ARB2A: variants seen among roughly 807,000 people sequenced by gnomAD.
The protein encoded by ARB2A is cotranscriptional regulator ARB2A.
the ARB2A span, among the ~76,000 whole-genome samples, chr5:93,947,114 A>G: frequency 6.6e-6 from 1 of 152,066 alleles, no homozygotes; most frequent in African/African-American, 2.4e-5. Flanking sequence ...GTGATGAATC[A>G]TTTCTTCATA....
chr5:94,035,232 T>TATACAC, the ARB2A span, among the ~76,000 whole-genome samples: 6,498 of 151,588 alleles, frequency 0.043, 212 homozygotes, highest in Non-Finnish European at 0.072. Flanking sequence ...TACATATACA[T>TATACAC]ATACATATAC....
At chr5:94,053,726 T>C in the ARB2A span, among the ~76,000 whole-genome samples, 1 of 152,224 alleles carries the variant, frequency 6.6e-6, no homozygotes, top group Non-Finnish European at 1.5e-5. Context: ...TCACATCATT[T>C]GAATCCATGC....
the ARB2A span, among the ~76,000 whole-genome samples, chr5:93,767,911 C>T: frequency 7.1e-6 from 1 of 141,156 alleles, no homozygotes; most frequent in African/African-American, 2.7e-5. Context: ...GGAGAATGGC[C>T]TGAACTCGGG....
At chr5:93,719,116 TC>T in the ARB2A span, among the ~76,000 whole-genome samples, 1 of 152,182 alleles carries the variant, frequency 6.6e-6, no homozygotes, top group Admixed American at 6.5e-5. Context: ...TATCCTCACT[TC>T]TTGCCTGCCC....
the ARB2A span, among the ~76,000 whole-genome samples, chr5:93,750,925 T>A: frequency 3.5e-4 from 54 of 152,296 alleles, 1 homozygote; most frequent in East Asian, 0.01. Context: ...GAAGACTAAA[T>A]TTCCTTGAAG....
the ARB2A span, among the ~76,000 whole-genome samples, chr5:93,800,920 T>C: frequency 2.6e-5 from 4 of 152,122 alleles, no homozygotes; most frequent in Admixed American, 2.0e-4. Context: ...ATCTTTAATA[T>C]AGTTTTAAAA....
At chr5:93,857,634 C>G in the ARB2A span, among the ~76,000 whole-genome samples, 1 of 152,172 alleles carries the variant, frequency 6.6e-6, no homozygotes, top group Non-Finnish European at 1.5e-5. Context: ...TTAAGCCCGT[C>G]GGAAAAGTGC....
chr5:93,621,657 G>C, the ARB2A span, among the ~76,000 whole-genome samples: 1 of 152,252 alleles, frequency 6.6e-6, no homozygotes, highest in African/African-American at 2.4e-5. Flanking sequence ...CTTCCCAAGG[G>C]GGTGGTGTGG....
chr5:94,023,923 T>C, the ARB2A span, among the ~76,000 whole-genome samples: 1 of 152,154 alleles, frequency 6.6e-6, no homozygotes, highest in African/African-American at 2.4e-5. Context: ...TGTTTGTGGG[T>C]AGAAAGCTAT....
chr5:93,673,201 T>G, the ARB2A span, among the ~76,000 whole-genome samples: 2 of 152,182 alleles, frequency 1.3e-5, no homozygotes, highest in African/African-American at 4.8e-5. Context: ...ATGAAATAAT[T>G]AAAAATAGAG....
chr5:93,676,510 C>G, the ARB2A span, among the ~76,000 whole-genome samples: 1 of 152,100 alleles, frequency 6.6e-6, no homozygotes, highest in Non-Finnish European at 1.5e-5. Context: ...CGAGTTTTGG[C>G]TGGATTTTAA....
At chr5:93,640,700 A>C in the ARB2A span, among the ~76,000 whole-genome samples, 3 of 151,652 alleles carry the variant, frequency 2.0e-5, no homozygotes, top group East Asian at 3.9e-4. Flanking sequence ...CTGATGACCC[A>C]TGGGCTAAAA....
the ARB2A span, among the ~76,000 whole-genome samples, chr5:93,872,017 C>T: frequency 2.7e-5 from 4 of 149,876 alleles, no homozygotes; most frequent in South Asian, 4.2e-4. Flanking sequence ...GGCGTGACCT[C>T]GGCTCACTGC....
the ARB2A span, among the ~76,000 whole-genome samples, chr5:93,932,071 C>T: frequency 2.6e-5 from 4 of 152,108 alleles, no homozygotes; most frequent in African/African-American, 7.2e-5. Context: ...ATAATTACCA[C>T]TAAAATTAGG....
At chr5:93,682,948 AC>A in the ARB2A span, 2 of 1,581,248 alleles carry the variant, frequency 1.3e-6, no homozygotes, top group African/African-American at 1.3e-5. Context: ...GAAGAGAACC[AC>A]CTTTTTCTAT....
the ARB2A span, among the ~76,000 whole-genome samples, chr5:93,898,103 C>T: frequency 1.3e-5 from 2 of 152,006 alleles, no homozygotes; most frequent in Non-Finnish European, 2.9e-5. Context: ...CTACCCCTGA[C>T]AATTTTAAGG....
At chr5:93,675,758 C>G in the ARB2A span, among the ~76,000 whole-genome samples, 1 of 152,290 alleles carries the variant, frequency 6.6e-6, no homozygotes, top group Admixed American at 6.5e-5. Flanking sequence ...CCTTAAATAC[C>G]TTGTTCCACA....
At chr5:93,699,130 G>A in the ARB2A span, among the ~76,000 whole-genome samples, 4 of 152,300 alleles carry the variant, frequency 2.6e-5, no homozygotes, top group Admixed American at 2.0e-4. Flanking sequence ...AGTACAGAGA[G>A]AGTGGCAACT....
the ARB2A span, among the ~76,000 whole-genome samples, chr5:94,011,534 G>C: frequency 3.3e-5 from 5 of 152,070 alleles, no homozygotes; most frequent in African/African-American, 4.8e-5. Context: ...CTAAATGAAT[G>C]AATGAGCAAA....
Sources: allele counts gnomAD v4.1 joint callset (sites outside exome capture counted in the v4.1 genomes callset), GRCh38; gene constraint gnomAD v4.1.1; transcripts MANE v1.5; gene names NCBI Gene and HGNC (gene_info 2026-07-23, HGNC 2026-07-21).